Variants in ADGRB1 observed in about 807,000 individuals in gnomAD.
ADGRB1 encodes the protein adhesion G protein-coupled receptor B1.
In ADGRB1, 36 loss-of-function variants were observed where a neutral mutation model predicts 175.7. That is an observed-to-expected ratio of 0.20 (90% CI 0.16 to 0.27). The LOEUF (loss-of-function observed/expected upper bound fraction) is 0.27, where lower values mean the gene tolerates loss of function less well. Ranked by LOEUF, ADGRB1 falls within the 10% of genes least tolerant of loss-of-function variation. The probability of loss-of-function intolerance (pLI) is 1.00; values close to 1 mark genes in which losing one functional copy is unlikely to be tolerated. For synonymous variants in ADGRB1, 1,054 were observed against 979.4 expected, an observed-to-expected ratio of 1.08 and a Z score of -1.42; for missense variants, 1,731 against 2,255.3, an observed-to-expected ratio of 0.77 and a Z score of 4.71.
In ADGRB1 at chr8:142,464,858, G is replaced by C. The variant is rs777648360; in HGVS notation, c.660G>C (p.Ala220=). ...CCTGCGCCTGCCTGGGCGGCGAGGC[G>C]GGCGGCCCTGCCGCGGGACCCCTGG... The part of the protein sequence containing the change: ...QTPCACLGGE[A]GGPAAGPLAP... Residue 220 remains alanine, a synonymous_variant, in exon 2 of 31, where the codon GCG becomes GCC. Coordinates refer to ENST00000517894, the MANE Select transcript of ADGRB1 (RefSeq NM_001702.3). 6 of 1,521,282 alleles carry C rather than the reference G, an allele frequency of 3.9e-6. No homozygotes were observed. Among genetic ancestry groups the C allele is most frequent in the South Asian group, 1.2e-5 (1 of 82,040 alleles). The allele number at this position is 1,521,282 out of a possible 1,614,324, so 94.2% of individuals were successfully genotyped here.
chr8:142,462,789 G>T (rs972529075), intron 1 of ADGRB1, among the ~76,000 whole-genome samples: 4 of 152,264 alleles, frequency 2.6e-5, no homozygotes, highest in Non-Finnish European at 5.9e-5. Context: ...TCAACTGCTG[G>T]GTGGGATGGA....
At chr8:142,475,954 AG>A (rs1840950462) in intron 3 of ADGRB1, among the ~76,000 whole-genome samples, 1 of 128,896 alleles carries the variant, frequency 7.8e-6, no homozygotes, top group East Asian at 2.2e-4. Context: ...GGCCCCGAAG[AG>A]GGTGGTGCTT....
rs564019767 is a variant in ADGRB1, at chr8:142,511,782, G to A, written c.2817+709G>A. 1.5e-4 allele frequency among the ~76,000 whole-genome samples: 23 copies of A among 152,348 alleles called. No homozygotes were observed. In the South Asian group the frequency reaches 2.7e-3, roughly 18 times the overall value. On this transcript the variant is annotated intron_variant, in intron 18 of 30. Transcript: ENST00000517894. This position sits in a 1 kb window ranked among gnomAD's most constrained non-coding sequence, Gnocchi z 4.5. ...AAGCTGCACCCCCTGGCCTGAGGTG[G>A]GCCACAGCCCTCTACTGGGGCCCAG...
At chr8:142,469,513 G>A (rs1840503903) in intron 2 of ADGRB1, among the ~76,000 whole-genome samples, 1 of 144,110 alleles carries the variant, frequency 6.9e-6, no homozygotes. Flanking sequence ...GAATGTGTGT[G>A]TATGCACGTG....
intron 24 of ADGRB1, among the ~76,000 whole-genome samples, chr8:142,528,210 G>A (rs930043860): frequency 1.3e-5 from 2 of 152,264 alleles, no homozygotes; most frequent in African/African-American, 4.8e-5. Context: ...CTCCCTCGCA[G>A]ACACACGGAA....
At chr8:142,514,571 A>G (rs1199164246) in intron 18 of ADGRB1, among the ~76,000 whole-genome samples, 1 of 152,152 alleles carries the variant, frequency 6.6e-6, no homozygotes, top group Non-Finnish European at 1.5e-5. Flanking sequence ...GACTTCTGTG[A>G]TGTGCCTCAG....
chr8:142,491,287 G>A (rs1841969269), intron 17 of ADGRB1, among the ~76,000 whole-genome samples: 1 of 152,250 alleles, frequency 6.6e-6, no homozygotes, highest in South Asian at 2.1e-4. Context: ...CATATATCCT[G>A]TGCCAGTTGC....
chr8:142,521,977 C>T lies in ADGRB1; in HGVS notation c.3037C>T (p.Leu1013=), dbSNP rs2132132515. ...TQTRNKVVCT[L]VAAFLHFFFL... ...GGGCCCCACACAGGTGGTGTGCACG[C>T]TGGTGGCCGCCTTCCTGCACTTCTT... Residue 1013 remains leucine (L), a synonymous_variant, in exon 21 of 31, where the codon CTG becomes TTG. Transcript: ENST00000517894. 3 of 1,596,374 alleles carry T rather than the reference C, an allele frequency of 1.9e-6. No homozygotes were observed. Among genetic ancestry groups the T allele is most frequent in the East Asian group, 2.3e-5 (1 of 44,126 alleles).
In ADGRB1 at chr8:142,522,134, G is replaced by C. The variant is rs558681581; in HGVS notation, c.3175+19G>C. The C allele has an allele frequency of 1.9e-6, 3 of 1,600,384 alleles. No homozygotes were observed. The highest frequency in any genetic ancestry group is 2.2e-5 in the East Asian group (1 of 44,754). Reference sequence around the variant, plus strand: ...GGCTGGGGTGAGCCGCGGCCTTCCCGACCCTCCTGGACAGATACCCTTCCT... The same window carrying C: ...GGCTGGGGTGAGCCGCGGCCTTCCCCACCCTCCTGGACAGATACCCTTCCT... On this transcript the variant is annotated intron_variant, in intron 21 of 30. Coordinates refer to ENST00000517894, the MANE Select transcript of ADGRB1 (RefSeq NM_001702.3).
chr8:142,477,450 C>A lies in ADGRB1; in HGVS notation c.1288C>A (p.Arg430=). The change falls in exon 6 of 31, where the codon CGG becomes AGG. Residue 430 remains arginine (R), a synonymous_variant. Transcript: ENST00000517894. ...CTCCAGCACCTGTGGCCGTGGCTTTCGGGATCGCACGCGCACCTGCAGGCC... is the reference window on the plus strand; with the variant it reads ...CTCCAGCACCTGTGGCCGTGGCTTTAGGGATCGCACGCGCACCTGCAGGCC... The part of the protein sequence containing the change: ...LCSSTCGRGF[R]DRTRTCRPPQ... 1 of 1,612,480 alleles carries A rather than the reference C, an allele frequency of 6.2e-7. No homozygotes were observed. Among genetic ancestry groups the A allele is most frequent in the Non-Finnish European group, 8.5e-7 (1 of 1,179,806 alleles).
chr8:142,479,898 GC>G, intron 9 of ADGRB1, 104 bp downstream of exon 9: 1 of 1,268,476 alleles, frequency 7.9e-7, no homozygotes, highest in Non-Finnish European at 1.1e-6. Flanking sequence ...CAGACACGGA[GC>G]CCAGACAGCC....
intron 17 of ADGRB1, among the ~76,000 whole-genome samples, chr8:142,495,924 C>T (rs371142531): frequency 0.07 from 187 of 2,690 alleles, 1 homozygote; most frequent in African/African-American, 0.2. Context: ...AGTGGGTGGG[C>T]GGGTGGGTGG....
rs576781588 is a variant in ADGRB1 at position 142,492,552 on chromosome 8, C to G, written c.2675+1737C>G. On this transcript the variant is annotated intron_variant, in intron 17 of 30. Transcript: ENST00000517894. The surrounding 1 kb of genome is among the most constrained non-coding windows in gnomAD (Gnocchi z 4.4). ...CGTGTGAGTGTCTGGGGATGAGCGT[C>G]GCAGGGGAAGGAGCAGCCGGGGCAA... Among the ~76,000 whole-genome samples, 1 of 152,112 alleles carries G rather than the reference C, an allele frequency of 6.6e-6. No individual in the cohort carries two copies. The highest frequency in any genetic ancestry group is 1.5e-5 in the Non-Finnish European group (1 of 68,032).
At position 142,487,303 on chromosome 8, in the gene ADGRB1, C is replaced by T. The variant is rs553056901; in HGVS notation, c.2309-1061C>T. Among the ~76,000 whole-genome samples the T allele has an allele frequency of 4.2e-4, 64 of 152,250 alleles. No individual in the cohort carries two copies. The East Asian group carries it at 0.011, about 27-fold the overall frequency. ...CTGCCCCCATTCCCCGCTGCAGCTT[C>T]CCAGCAGCCCCTTGCCCCTGCAGGC... On this transcript the variant is annotated intron_variant, in intron 13 of 30. Transcript: ENST00000517894.
In ADGRB1 at chr8:142,544,351, G is replaced by C; in HGVS notation, c.4689G>C (p.Trp1563Cys). 1 of 1,543,856 alleles carries C rather than the reference G, an allele frequency of 6.5e-7. No individual in the cohort carries two copies. Among genetic ancestry groups the C allele is most frequent in the Non-Finnish European group, 8.7e-7 (1 of 1,143,514 alleles). ...CGCTGGAGCTTCGCAGCGTGGAGTG[G>C]GAGAGGTCGGGCGCCACGATCCCGC... ...PSPLELRSVEWERSGATIPLV... is the reference protein window; with the variant it reads ...PSPLELRSVECERSGATIPLV... Residue 1563 changes from tryptophan (W) to cysteine (C), a missense_variant, in exon 31 of 31, where the codon TGG becomes TGC. Trp to Cys is a radical substitution (Grantham distance 215). Around this residue, in one of 8 missense-constraint regions of ADGRB1, gnomAD observed 394 missense variants for 410.2 expected, o/e 0.96. Coordinates refer to ENST00000517894, the MANE Select transcript of ADGRB1 (RefSeq NM_001702.3).
chr8:142,468,442 G>A (rs1249156833), intron 2 of ADGRB1, among the ~76,000 whole-genome samples: 1 of 152,216 alleles, frequency 6.6e-6, no homozygotes, highest in Admixed American at 6.5e-5. Context: ...GTGCAGGATG[G>A]GGTGGAATGT....
intron 25 of ADGRB1, among the ~76,000 whole-genome samples, chr8:142,536,459 G>C (rs1844930203): frequency 6.6e-6 from 1 of 151,852 alleles, no homozygotes; most frequent in African/African-American, 2.4e-5. Context: ...TGTCCCCCCT[G>C]AAGAGTGGGT....
At chr8:142,489,565 T>C in intron 16 of ADGRB1, 127 bp downstream of exon 16, 1 of 992,306 alleles carries the variant, frequency 1.0e-6, no homozygotes. Context: ...GAGCTACTTT[T>C]ATCCCTGGAT....
intron 23 of ADGRB1, 33 bp downstream of exon 23, chr8:142,524,337 C>T: frequency 1.3e-6 from 2 of 1,557,402 alleles, no homozygotes; most frequent in Non-Finnish European, 8.6e-7. Context: ...CTCCCCACGA[C>T]CCCACCTGGG....
Sources: gnomAD v4.1 joint callset for allele counts (sites outside exome capture counted in the v4.1 genomes callset) on GRCh38, gnomAD v4.1.1 for gene constraint, gnomAD v4.1.1 regional missense constraint, Gnocchi (gnomAD v3.1) non-coding constraint, MANE v1.5 for transcripts, NCBI Gene and HGNC (gene_info 2026-07-23, HGNC 2026-07-21) for gene names.